PLCXD1: variants seen among roughly 807,000 people sequenced by gnomAD.
The protein encoded by PLCXD1 is phosphatidylinositol specific phospholipase C X domain containing 1.
Under a neutral mutation model 37.8 loss-of-function variants are expected in PLCXD1, and 45 were observed. That is an observed-to-expected ratio of 1.19 (90% CI 0.94 to 1.53). PLCXD1 has a LOEUF of 1.53. Among genes scored for constraint, PLCXD1 ranks in the 40% most tolerant of loss-of-function variants. PLCXD1 has a pLI of 0.00. For missense variants in PLCXD1, 539 were observed against 454.7 expected, an observed-to-expected ratio of 1.19 and a Z score of -1.69; for synonymous variants, 246 against 206.9, an observed-to-expected ratio of 1.19 and a Z score of -1.62.
upstream of PLCXD1, among the ~76,000 whole-genome samples, chrX:278,999 G>A (rs964661920): frequency 6.6e-5 from 10 of 152,176 alleles, no homozygotes; most frequent in East Asian, 5.8e-4. Context: ...GGCTGAGTCC[G>A]AAGAGAGAGT....
chrX:289,791 G>A (rs1362269726), intron 3 of PLCXD1, among the ~76,000 whole-genome samples: 2 of 151,900 alleles, frequency 1.3e-5, no homozygotes, highest in South Asian at 4.2e-4. Context: ...GATTACAGGC[G>A]TCAGCCACCG....
intron 3 of PLCXD1, 148 bp downstream of exon 3, chrX:289,017 C>T (rs2069544971): frequency 1.4e-6 from 1 of 730,052 alleles, no homozygotes. Flanking sequence ...GCTGCGGAGA[C>T]AGGATTAAAA....
Position 293,183 on chromosome X carries a change from G to C in PLCXD1, c.698G>C (p.Arg233Pro). Residue 233 changes from arginine (R) to proline (P), a missense_variant, in exon 6 of 7, where the codon CGA (arginine) becomes CCA (proline). By Grantham distance (103) the Arg-to-Pro change is moderately radical. Coordinates refer to ENST00000381657, the MANE Select transcript of PLCXD1 (RefSeq NM_018390.4). The stretch of plus-strand genomic sequence containing the variant: ...AGGGTGAAGACCGAGGCCCTCATCC[G>C]ATACCTGGAGACCATGAAGAGCTGC... ...GNRVKTEALI[R>P]YLETMKSCGR... The C allele has an allele frequency of 6.2e-7, 1 of 1,612,540 alleles. No homozygotes were observed. Among genetic ancestry groups the C allele is most frequent in the Non-Finnish European group, 8.5e-7 (1 of 1,179,700 alleles).
At chrX:282,969 T>C (rs1332779538) in intron 1 of PLCXD1, among the ~76,000 whole-genome samples, 14 of 146,190 alleles carry the variant, frequency 9.6e-5, no homozygotes, top group Non-Finnish European at 1.5e-5. Flanking sequence ...TATATGTATA[T>C]ATTATATGTA....
rs778001088 is a variant in PLCXD1, at chrX:284,174, A to C, written c.-14A>C. The C allele has an allele frequency of 1.2e-5, 19 of 1,612,750 alleles. No individual in the cohort carries two copies. The South Asian group carries it at 1.9e-4, about 16-fold the overall frequency. On this transcript the variant is annotated 5_prime_UTR_variant, in exon 2 of 7. Transcript: ENST00000381657. ...CCTCTTCTCCTTCCTCAGGTTGCCC[A>C]GGGCTCACCTCTGATGGGTGGGCAG...
chrX:278,236 T>A (rs1225620187), upstream of PLCXD1, among the ~76,000 whole-genome samples: 1 of 136,416 alleles, frequency 7.3e-6, no homozygotes, highest in African/African-American at 2.9e-5. Context: ...TGGGATATGA[T>A]GAAGGTGACG....
At chrX:285,968 GA>G (rs2069441516) in intron 2 of PLCXD1, among the ~76,000 whole-genome samples, 1 of 152,078 alleles carries the variant, frequency 6.6e-6, no homozygotes. Flanking sequence ...TGTTTTTCAG[GA>G]ATTCATGTGG....
intron 2 of PLCXD1, among the ~76,000 whole-genome samples, chrX:285,809 A>G (rs1241570158): frequency 6.6e-6 from 1 of 152,164 alleles, no homozygotes; most frequent in Non-Finnish European, 1.5e-5. Flanking sequence ...GACAAAATTA[A>G]TATAAGTAGG....
Position 300,563 on chromosome X carries a change from T to G in PLCXD1, c.*1228T>G, listed in dbSNP as rs1475023748. On this transcript the variant is annotated 3_prime_UTR_variant, in exon 7 of 7. Coordinates refer to ENST00000381657, the MANE Select transcript of PLCXD1 (RefSeq NM_018390.4). The stretch of plus-strand genomic sequence containing the variant: ...ACATGTATATGTGTATGCATGTATA[T>G]GTGTATGTGTACATGTATATGTGTT... 6.9e-6 allele frequency: 1 copy of G among 145,644 alleles called. No individual in the cohort carries two copies. The highest frequency in any genetic ancestry group is 1.9e-4 in the East Asian group (1 of 5,184). The allele number at this position is 145,644 out of a possible 1,614,324, so 9.0% of individuals were successfully genotyped here. A position where few individuals can be genotyped will look rare whatever the true frequency, so the allele number is the denominator to read the frequency against.
intron 2 of PLCXD1, 87 bp from the exon 3 acceptor site, chrX:288,646 G>A: frequency 1.4e-6 from 2 of 1,427,804 alleles, no homozygotes; most frequent in South Asian, 2.3e-5. Context: ...GCAGCAGCCT[G>A]TGCTGTAGGC....
At chrX:282,409 A>G (rs2069299813) in intron 1 of PLCXD1, among the ~76,000 whole-genome samples, 1 of 151,726 alleles carries the variant, frequency 6.6e-6, no homozygotes, top group South Asian at 2.1e-4. Context: ...AAACAAAAAA[A>G]AAACCGTACA....
At chrX:284,584 GCACACACGCA>G (rs1181031576) in intron 2 of PLCXD1, among the ~76,000 whole-genome samples, 6 of 320 alleles carry the variant, frequency 0.019, no homozygotes, top group East Asian at 0.062. Flanking sequence ...AGGCATACAT[GCACACACGCA>G]CACACGCACA....
At chrX:295,186 G>A (rs1256636162) in intron 6 of PLCXD1, among the ~76,000 whole-genome samples, 1 of 151,866 alleles carries the variant, frequency 6.6e-6, no homozygotes, top group Non-Finnish European at 1.5e-5. Flanking sequence ...AAAAAAAAAG[G>A]TAACTTTTTT....
At chrX:278,514 A>G (rs1156627503), upstream of PLCXD1, among the ~76,000 whole-genome samples, 1 of 152,048 alleles carries the variant, frequency 6.6e-6, no homozygotes, top group Non-Finnish European at 1.5e-5. Flanking sequence ...CAAGGCGGGC[A>G]GATCACCTGA....
chrX:286,935 T>C (rs1183705807), intron 2 of PLCXD1, among the ~76,000 whole-genome samples: 2 of 151,920 alleles, frequency 1.3e-5, no homozygotes, highest in Non-Finnish European at 2.9e-5. Flanking sequence ...AGCAGGTGAC[T>C]GTGGCTTCGT....
intron 3 of PLCXD1, among the ~76,000 whole-genome samples, chrX:290,435 A>C (rs1490120251): frequency 6.6e-6 from 1 of 151,150 alleles, no homozygotes; most frequent in Non-Finnish European, 1.5e-5. Flanking sequence ...GTCTCAAAAA[A>C]AAAAAAAAAA....
At position 302,516 on chromosome X, in the gene PLCXD1, C is replaced by T. The variant is rs2070049413; in HGVS notation, c.*3181C>T. The stretch of plus-strand genomic sequence containing the variant: ...TCAAGTGATTCTCCTGCCTCAGCCT[C>T]CCGAGGAGCTGAGATTACAGGCGCG... On this transcript the variant is annotated 3_prime_UTR_variant, in exon 7 of 7. Transcript: ENST00000381657. 6.6e-6 allele frequency: 1 copy of T among 152,240 alleles called. No homozygotes were observed. The allele number at this position is 152,240 out of a possible 1,614,324, so 9.4% of individuals were successfully genotyped here.
At chrX:292,089 C>G (rs1051347809) in intron 5 of PLCXD1, among the ~76,000 whole-genome samples, 20 of 151,940 alleles carry the variant, frequency 1.3e-4, no homozygotes, top group Non-Finnish European at 2.4e-4. Flanking sequence ...ATCACGAGGT[C>G]AAGAGATTGA....
Position 290,824 on chromosome X carries a change from C to T in PLCXD1, c.393+48C>T, listed in dbSNP as rs200912154. 874 of 1,569,608 alleles carry T rather than the reference C, an allele frequency of 5.6e-4. 6 individuals are homozygous for T. Among genetic ancestry groups the T allele is most frequent in the Admixed American group, 2.8e-3 (159 of 57,528 alleles). Reference sequence around the variant, plus strand: ...CGCAATGGGGAGAGTGGGAGGCGGCCGGGCACTGGTGCAGGTGCGGCCGGG... The same window carrying T: ...CGCAATGGGGAGAGTGGGAGGCGGCTGGGCACTGGTGCAGGTGCGGCCGGG... On this transcript the variant is annotated intron_variant, in intron 4 of 6. Coordinates refer to ENST00000381657, the MANE Select transcript of PLCXD1 (RefSeq NM_018390.4).
Sources: allele counts gnomAD v4.1 joint callset (sites outside exome capture counted in the v4.1 genomes callset), GRCh38; gene constraint gnomAD v4.1.1; transcripts MANE v1.5; gene names NCBI Gene and HGNC (gene_info 2026-07-23, HGNC 2026-07-21).